The following FOXN2 variants were observed in gnomAD, a reference collection of about 807,000 sequenced individuals.
FOXN2 encodes forkhead box N2, also known as forkhead box protein N2.
FOXN2 carries 19 observed loss-of-function variants against 41.2 expected under a neutral mutation model. The observed-to-expected ratio is 0.46, with a 90% CI of 0.32 to 0.68. The LOEUF (loss-of-function observed/expected upper bound fraction) is 0.68. FOXN2 is among the 30% of genes least tolerant of loss of function. The pLI is 0.03. For synonymous variants in FOXN2, 195 were observed against 176.8 expected (o/e 1.10, Z -0.82); for missense variants, 587 against 509.4 (o/e 1.15, Z -1.47).
chr2:48,355,501 C>G (rs369393767), intron 3 of FOXN2, among the ~76,000 whole-genome samples: 1 of 151,524 alleles, frequency 6.6e-6, no homozygotes, highest in Non-Finnish European at 1.5e-5. Flanking sequence ...GCCTAAATGT[C>G]TGAGATTTAG....
At chr2:48,317,595 C>CCTTTTTTTTTTTTTTTTTTTTTTTT (rs1669006573) in intron 1 of FOXN2, among the ~76,000 whole-genome samples, 1 of 34,712 alleles carries the variant, frequency 2.9e-5, no homozygotes, top group African/African-American at 8.7e-5. Flanking sequence ...TATAGTATTG[C>CCTTTTTTTTTTTTTTTTTTTTTTTT]TTTTTTTTTT....
intron 4 of FOXN2, among the ~76,000 whole-genome samples, chr2:48,361,161 G>T (rs918429265): frequency 6.6e-6 from 1 of 151,948 alleles, no homozygotes; most frequent in African/African-American, 2.4e-5. Context: ...TGATCTTGTG[G>T]CTTTAAAAGA....
At chr2:48,332,509 C>G (rs1405043458) in intron 2 of FOXN2, among the ~76,000 whole-genome samples, 1 of 152,138 alleles carries the variant, frequency 6.6e-6, no homozygotes, top group Non-Finnish European at 1.5e-5. Context: ...CCAAGAAGTC[C>G]TGATCTCATT....
At chr2:48,341,666 A>G (rs1285435079) in intron 2 of FOXN2, among the ~76,000 whole-genome samples, 107 of 152,340 alleles carry the variant, frequency 7.0e-4, no homozygotes, top group Non-Finnish European at 4.4e-5. Flanking sequence ...CTTCCAAGAA[A>G]GAGCATGTGG....
chr2:48,351,206 C>T (rs1179710010), intron 3 of FOXN2, among the ~76,000 whole-genome samples: 1 of 152,064 alleles, frequency 6.6e-6, no homozygotes, highest in African/African-American at 2.4e-5. Context: ...AAGCGATCCA[C>T]CTGTCTCAGC....
intron 2 of FOXN2, among the ~76,000 whole-genome samples, chr2:48,343,414 C>T (rs1670895088): frequency 6.6e-6 from 1 of 151,934 alleles, no homozygotes; most frequent in Non-Finnish European, 1.5e-5. Context: ...ATTTGAGTGT[C>T]TACTCATACT....
chr2:48,359,622 C>CTTTTCTTTTT lies in FOXN2; in HGVS notation c.638+479_638+480insCTTTTTTTTT, dbSNP rs1553414713. Among the ~76,000 whole-genome samples the CTTTTCTTTTT allele has an allele frequency of 1.6e-4, 24 of 150,198 alleles. No homozygotes were observed. The East Asian group carries it at 3.9e-3, about 25-fold the overall frequency. Reference sequence around the variant, plus strand: ...TTTTTCTTTTCTTTTCTTTTCTTTTCTTTTTTTAAGAAGTATTTATGGATA... The same window carrying CTTTTCTTTTT: ...TTTTTCTTTTCTTTTCTTTTCTTTTCTTTTCTTTTTTTTTTTTAAGAAGTATTTATGGATA... On this transcript the variant is annotated intron_variant, in intron 4 of 6. Transcript: ENST00000340553.
intron 2 of FOXN2, among the ~76,000 whole-genome samples, chr2:48,339,547 G>C (rs1328816491): frequency 6.6e-6 from 1 of 152,148 alleles, no homozygotes; most frequent in Non-Finnish European, 1.5e-5. Flanking sequence ...TCCATTATAA[G>C]TTACCCAGTC....
At chr2:48,363,213 T>TATTG (rs1672309995) in intron 5 of FOXN2, among the ~76,000 whole-genome samples, 1 of 152,154 alleles carries the variant, frequency 6.6e-6, no homozygotes, top group Non-Finnish European at 1.5e-5. Context: ...TGACCCTGTG[T>TATTG]ATGCTCAGGT....
chr2:48,344,741 T>G (rs1670985798), intron 2 of FOXN2, among the ~76,000 whole-genome samples: 1 of 152,158 alleles, frequency 6.6e-6, no homozygotes, highest in Admixed American at 6.5e-5. Flanking sequence ...TTTTCTCTTT[T>G]ACATAACTGA....
At chr2:48,353,121 G>A (rs552745438) in intron 3 of FOXN2, among the ~76,000 whole-genome samples, 1 of 152,090 alleles carries the variant, frequency 6.6e-6, no homozygotes. Context: ...TTCAGTTTTT[G>A]TAACTAGTAA....
intron 1 of FOXN2, among the ~76,000 whole-genome samples, chr2:48,316,918 C>A (rs1668954150): frequency 7.1e-6 from 1 of 140,868 alleles, no homozygotes; most frequent in Non-Finnish European, 1.5e-5. Context: ...ATTTTAATTA[C>A]CCCATAACAA....
chr2:48,317,312 C>G (rs570827567), intron 1 of FOXN2, among the ~76,000 whole-genome samples: 1 of 151,720 alleles, frequency 6.6e-6, no homozygotes, highest in African/African-American at 2.4e-5. Context: ...AGCTGGGCCT[C>G]GTGGGGCATG....
intron 5 of FOXN2, among the ~76,000 whole-genome samples, chr2:48,369,060 A>G (rs961426483): frequency 6.6e-6 from 1 of 152,214 alleles, no homozygotes; most frequent in African/African-American, 2.4e-5. Flanking sequence ...AAATAAATCT[A>G]TTTAAGGTGT....
At chr2:48,357,574 C>G (rs1038983369) in intron 3 of FOXN2, among the ~76,000 whole-genome samples, 4 of 151,250 alleles carry the variant, frequency 2.6e-5, no homozygotes, top group East Asian at 1.9e-4. Context: ...ATAGCTGAGA[C>G]TATAGGCGCG....
chr2:48,351,645 A>C (rs969094981), intron 3 of FOXN2, among the ~76,000 whole-genome samples: 2 of 152,082 alleles, frequency 1.3e-5, no homozygotes, highest in African/African-American at 4.8e-5. Context: ...CCTCACATGC[A>C]CAGTTCACAA....
At chr2:48,343,481 A>G (rs749282403) in intron 2 of FOXN2, among the ~76,000 whole-genome samples, 3 of 152,208 alleles carry the variant, frequency 2.0e-5, no homozygotes, top group Non-Finnish European at 2.9e-5. Flanking sequence ...TATCCCAGCT[A>G]GGCATGGTGG....
At chr2:48,360,222 C>T (rs1672080498) in intron 4 of FOXN2, among the ~76,000 whole-genome samples, 1 of 151,988 alleles carries the variant, frequency 6.6e-6, no homozygotes, top group African/African-American at 2.4e-5. Flanking sequence ...TTAGAGTCTT[C>T]TCCAATTTAT....
In FOXN2 at chr2:48,364,162, G is replaced by A. The variant is rs538613444; in HGVS notation, c.703+1455G>A. Among the ~76,000 whole-genome samples, 10 of 152,162 alleles carry A rather than the reference G, an allele frequency of 6.6e-5. No individual in the cohort carries two copies. The South Asian group carries it at 1.9e-3, about 28-fold the overall frequency. On this transcript the variant is annotated intron_variant, in intron 5 of 6. Transcript: ENST00000340553. Reference sequence around the variant, plus strand: ...TATGTATTTATTATAGGAAATTTGGGCAATAAAAACATTTATTAAAGAGAA... The same window carrying A: ...TATGTATTTATTATAGGAAATTTGGACAATAAAAACATTTATTAAAGAGAA...
Sources: allele counts gnomAD v4.1 joint callset (sites outside exome capture counted in the v4.1 genomes callset), GRCh38; gene constraint gnomAD v4.1.1; transcripts MANE v1.5; gene names NCBI Gene and HGNC (gene_info 2026-07-23, HGNC 2026-07-21).